RTN3: variants seen among roughly 807,000 people sequenced by gnomAD.
RTN3 encodes reticulon-3.
RTN3 carries 49 observed loss-of-function variants against 77.8 expected under a neutral mutation model. The ratio of observed to expected loss-of-function variants is 0.63; its 90% confidence interval spans 0.50 to 0.80. The LOEUF is 0.80. RTN3 is among the 30% of genes least tolerant of loss of function. The pLI is 0.00. For missense variants in RTN3, 1,236 were observed against 1,211.9 expected (o/e 1.02, Z -0.29); for synonymous variants, 464 against 446.9 (o/e 1.04, Z -0.48).
chr11:63,745,369 C>T (rs994939446), intron 3 of RTN3, among the ~76,000 whole-genome samples: 20 of 152,222 alleles, frequency 1.3e-4, no homozygotes, highest in Admixed American at 3.9e-4. Context: ...GAGCCTGCTA[C>T]AAATAAAGTG....
intron 1 of RTN3, among the ~76,000 whole-genome samples, chr11:63,686,565 C>T (rs957434189): frequency 2.0e-5 from 3 of 151,950 alleles, no homozygotes; most frequent in Admixed American, 1.3e-4. Context: ...TGGCTCACAC[C>T]TGTAATCCCA....
intron 1 of RTN3, among the ~76,000 whole-genome samples, chr11:63,694,269 C>T (rs1007789437): frequency 5.3e-5 from 8 of 151,616 alleles, no homozygotes; most frequent in Non-Finnish European, 1.0e-4. Flanking sequence ...CTCCGCCTCC[C>T]GGGTTCAAGC....
At chr11:63,691,512 C>G (rs1010166474) in intron 1 of RTN3, among the ~76,000 whole-genome samples, 2 of 152,150 alleles carry the variant, frequency 1.3e-5, no homozygotes, top group Admixed American at 1.3e-4. Flanking sequence ...CTGCCTTAGC[C>G]TCTCAAAGTG....
chr11:63,757,823 G>A (rs779904998), intron 8 of RTN3, among the ~76,000 whole-genome samples: 2 of 149,900 alleles, frequency 1.3e-5, no homozygotes, highest in Non-Finnish European at 3.0e-5. Context: ...GGGTTCAAGC[G>A]ATTATCCTTC....
At position 63,741,491 on chromosome 11, in the gene RTN3, C is replaced by T. The variant is rs531726431; in HGVS notation, c.2531-8500C>T. On this transcript the variant is annotated intron_variant, in intron 3 of 8. Coordinates refer to ENST00000377819, the MANE Select transcript of RTN3 (RefSeq NM_001265589.2). The stretch of plus-strand genomic sequence containing the variant: ...TGCTGGGATTACAGGCATGAGCCAC[C>T]GTGCCCAGCATTTATTTTTTTTTTT... Among the ~76,000 whole-genome samples the T allele has an allele frequency of 2.9e-3, 426 of 144,828 alleles. 3 individuals carry two copies. Among genetic ancestry groups the T allele is most frequent in the African/African-American group, 0.01 (403 of 38,992 alleles).
chr11:63,741,209 A>ATTTT (rs1226706164), intron 3 of RTN3, among the ~76,000 whole-genome samples: 2 of 142,108 alleles, frequency 1.4e-5, no homozygotes, highest in Non-Finnish European at 1.5e-5. Context: ...TTATTTATTT[A>ATTTT]TTTATTTTTT....
At chr11:63,715,018 A>G (rs866123395) in intron 2 of RTN3, among the ~76,000 whole-genome samples, 2 of 152,360 alleles carry the variant, frequency 1.3e-5, no homozygotes, top group Middle Eastern at 6.8e-3. Flanking sequence ...CTGCTAAAGC[A>G]TAGACAGTTT....
intron 2 of RTN3, among the ~76,000 whole-genome samples, chr11:63,716,232 A>G (rs1316352646): frequency 2.0e-5 from 3 of 152,236 alleles, no homozygotes; most frequent in African/African-American, 2.4e-5. Flanking sequence ...TTTTCATAAT[A>G]CTGGAATTTT....
At chr11:63,684,075 C>G (rs993635397) in intron 1 of RTN3, among the ~76,000 whole-genome samples, 3 of 147,246 alleles carry the variant, frequency 2.0e-5, no homozygotes, top group African/African-American at 7.5e-5. Flanking sequence ...CTTCAGCCAC[C>G]CGAGTAGCTG....
intron 2 of RTN3, among the ~76,000 whole-genome samples, chr11:63,711,049 G>T (rs1323748123): frequency 6.6e-6 from 1 of 152,142 alleles, no homozygotes; most frequent in Non-Finnish European, 1.5e-5. Flanking sequence ...GGAGGCCGAG[G>T]CGGGTGGATC....
Position 63,729,800 on chromosome 11 carries a change from T to C in RTN3, c.2530+8768T>C, listed in dbSNP as rs1265221716. Among the ~76,000 whole-genome samples the C allele has an allele frequency of 2.6e-5, 4 of 151,180 alleles. No homozygotes were observed. The East Asian group carries it at 5.9e-4, about 22-fold the overall frequency. On this transcript the variant is annotated intron_variant, in intron 3 of 8. Transcript: ENST00000377819. ...AATGTAATGGTACTATAAATATATA[T>C]ATATTTGGAGACAGGGTCTCGCTCT... is the stretch of plus-strand genomic sequence containing the variant.
In RTN3 at chr11:63,719,675, T is replaced by A. The variant is rs757854984; in HGVS notation, c.1173T>A (p.Ser391=). The A allele has an allele frequency of 1.2e-6, 2 of 1,614,158 alleles. No individual in the cohort carries two copies. The highest frequency in any genetic ancestry group is 1.7e-6 in the Non-Finnish European group (2 of 1,180,038). Residue 391 remains serine, a synonymous_variant, in exon 3 of 9, where the codon TCT becomes TCA. Coordinates refer to ENST00000377819, the MANE Select transcript of RTN3 (RefSeq NM_001265589.2). ...CTCATCAGAAAACTCCTGTATGTTC[T>A]ATTGATGGGAGCACTCCCATCACTA... ...TSTHQKTPVC[S]IDGSTPITKS...
rs2013891089 is a variant in RTN3, at chr11:63,747,959, G to T, written c.2531-2032G>T. On this transcript the variant is annotated intron_variant, in intron 3 of 8. Transcript: ENST00000377819. The stretch of plus-strand genomic sequence containing the variant: ...TGCTCTTTTTTGAGAGCAGAGAGTG[G>T]CTGGGAGGAAAGTCCTCTAGCTATT... 2.0e-5 allele frequency among the ~76,000 whole-genome samples: 3 copies of T among 152,054 alleles called. No individual in the cohort carries two copies. In the South Asian group the frequency reaches 6.2e-4, roughly 32 times the overall value.
intron 1 of RTN3, among the ~76,000 whole-genome samples, chr11:63,683,972 T>TAA (rs1555063574): frequency 3.7e-5 from 5 of 136,054 alleles, no homozygotes; most frequent in Non-Finnish European, 6.4e-5. Flanking sequence ...TTTTTTTTTT[T>TAA]AGACAAGGTC....
At chr11:63,740,981 G>A (rs544998113) in intron 3 of RTN3, among the ~76,000 whole-genome samples, 2 of 151,926 alleles carry the variant, frequency 1.3e-5, no homozygotes, top group East Asian at 3.9e-4. Flanking sequence ...TGAGGGACCC[G>A]ATGCACAGAG....
intron 1 of RTN3, among the ~76,000 whole-genome samples, chr11:63,692,594 T>G (rs1941719939): frequency 6.6e-6 from 1 of 151,850 alleles, no homozygotes; most frequent in Admixed American, 6.6e-5. Flanking sequence ...CTGTCTCTAC[T>G]AAAAATACAA....
chr11:63,745,217 G>A (rs1209076998), intron 3 of RTN3, among the ~76,000 whole-genome samples: 1 of 152,048 alleles, frequency 6.6e-6, no homozygotes, highest in Non-Finnish European at 1.5e-5. Context: ...TTCTATACTT[G>A]GAATCCTTAG....
chr11:63,702,403 C>G (rs1433732478), intron 1 of RTN3, among the ~76,000 whole-genome samples: 2 of 151,384 alleles, frequency 1.3e-5, no homozygotes, highest in African/African-American at 4.8e-5. Context: ...TAACCTCTGC[C>G]ACCCGGGTTC....
At position 63,720,530 on chromosome 11, in the gene RTN3, A is replaced by C. The variant is rs1039429190; in HGVS notation, c.2028A>C (p.Ala676=). ...IVDSERNAFK[A]ISEKMTDFKT... ...ATAGTGAAAGAAATGCTTTTAAAGC[A>C]ATATCAGAGAAGATGACAGACTTTA... Residue 676 remains alanine, a synonymous_variant, in exon 3 of 9, where the codon GCA becomes GCC. Transcript: ENST00000377819. 6.2e-7 allele frequency: 1 copy of C among 1,614,160 alleles called. No homozygotes were observed. The highest frequency in any genetic ancestry group is 2.2e-5 in the East Asian group (1 of 44,882).
Sources: allele counts gnomAD v4.1 joint callset (sites outside exome capture counted in the v4.1 genomes callset), GRCh38; gene constraint gnomAD v4.1.1; transcripts MANE v1.5; gene names NCBI Gene and HGNC (gene_info 2026-07-23, HGNC 2026-07-21).